NELL1: variants seen among roughly 807,000 people sequenced by gnomAD.
NELL1 encodes neural EGFL like 1, also known as protein kinase C-binding protein NELL1.
In NELL1, 76 loss-of-function variants were observed where a neutral mutation model predicts 107.4. That is an observed-to-expected ratio of 0.71 (90% CI 0.59 to 0.86). NELL1 has a LOEUF of 0.86. Ranked by LOEUF, NELL1 falls within the 40% of genes least tolerant of loss-of-function variation. The pLI is 0.00. For synonymous variants in NELL1, 353 were observed against 341.2 expected (o/e 1.03, Z -0.38); for missense variants, 1,024 against 1,005.5 (o/e 1.02, Z -0.25).
Position 21,570,962 on chromosome 11 carries a change from GGT to G in NELL1, c.2157+25_2157+26del, listed in dbSNP as rs747223233. 3.1e-6 allele frequency: 5 copies of G among 1,604,438 alleles called. No homozygotes were observed. The Admixed American group carries it at 8.4e-5, about 27-fold the overall frequency. ...TCTGGTATGTTGGCTTCCTTTATAA[GGT>G]GTTGAGCCTTTACTCTGAAAGAGGT... On this transcript the variant is annotated intron_variant, in intron 18 of 19. Coordinates refer to ENST00000357134, the MANE Select transcript of NELL1 (RefSeq NM_006157.5).
chr11:21,181,279 C>T (rs879463897), intron 13 of NELL1, among the ~76,000 whole-genome samples: 1 of 151,694 alleles, frequency 6.6e-6, no homozygotes, highest in Non-Finnish European at 1.5e-5. Context: ...CAGTTTTTGC[C>T]ACTACTCATG....
chr11:20,709,460 A>T (rs1855057940), intron 2 of NELL1, among the ~76,000 whole-genome samples: 1 of 152,118 alleles, frequency 6.6e-6, no homozygotes, highest in Non-Finnish European at 1.5e-5. Flanking sequence ...GTACAATTTG[A>T]AGTTGAGTAA....
chr11:21,021,099 G>A (rs1852690052), intron 12 of NELL1, among the ~76,000 whole-genome samples: 1 of 150,814 alleles, frequency 6.6e-6, no homozygotes, highest in Admixed American at 6.6e-5. Context: ...ACTACCAAAT[G>A]TTCTTTCCAC....
At chr11:20,815,052 C>G (rs1329775146) in intron 3 of NELL1, among the ~76,000 whole-genome samples, 1 of 151,782 alleles carries the variant, frequency 6.6e-6, no homozygotes, top group East Asian at 1.9e-4. Context: ...GCATTTCTCT[C>G]TCTGCTTTTT....
intron 14 of NELL1, among the ~76,000 whole-genome samples, chr11:21,305,775 T>A (rs1447823327): frequency 6.6e-6 from 1 of 152,004 alleles, no homozygotes; most frequent in Non-Finnish European, 1.5e-5. Flanking sequence ...ATAATCCTTT[T>A]AAAATAGCTG....
intron 15 of NELL1, among the ~76,000 whole-genome samples, chr11:21,383,162 G>A (rs1378991224): frequency 1.3e-5 from 2 of 151,972 alleles, no homozygotes; most frequent in African/African-American, 4.8e-5. Flanking sequence ...ATCAGAAAAA[G>A]TAGTTCCTGA....
chr11:21,381,377 C>T (rs1469002741), intron 15 of NELL1, among the ~76,000 whole-genome samples: 1 of 151,958 alleles, frequency 6.6e-6, no homozygotes, highest in Non-Finnish European at 1.5e-5. Flanking sequence ...AGCTCTGTAA[C>T]ACTGGATCAG....
chr11:21,263,874 A>G (rs1848583390), intron 14 of NELL1, among the ~76,000 whole-genome samples: 1 of 151,978 alleles, frequency 6.6e-6, no homozygotes, highest in South Asian at 2.1e-4. Flanking sequence ...CAATTCTCAC[A>G]GCCTTTATAG....
intron 2 of NELL1, among the ~76,000 whole-genome samples, chr11:20,693,697 T>A (rs1854535194): frequency 6.6e-6 from 1 of 152,046 alleles, no homozygotes; most frequent in East Asian, 1.9e-4. Flanking sequence ...AACCCGACCT[T>A]TCTCTCTGGC....
At chr11:20,878,621 T>C (rs1158910931) in intron 4 of NELL1, among the ~76,000 whole-genome samples, 2 of 152,196 alleles carry the variant, frequency 1.3e-5, no homozygotes, top group African/African-American at 4.8e-5. Flanking sequence ...GGTTATTACA[T>C]TTCACTCATC....
At chr11:21,401,073 C>G (rs1852086638) in intron 15 of NELL1, among the ~76,000 whole-genome samples, 1 of 151,896 alleles carries the variant, frequency 6.6e-6, no homozygotes, top group East Asian at 2.0e-4. Context: ...CCCATTTAGG[C>G]TCTATTCCTT....
At chr11:21,197,980 T>G (rs1298569292) in intron 13 of NELL1, among the ~76,000 whole-genome samples, 1 of 152,194 alleles carries the variant, frequency 6.6e-6, no homozygotes, top group Admixed American at 6.6e-5. Flanking sequence ...TGTGGGTCAA[T>G]AATTCAGATA....
At position 20,720,909 on chromosome 11, in the gene NELL1, G is replaced by T. The variant is rs553220625; in HGVS notation, c.184+42849G>T. Among the ~76,000 whole-genome samples, 3 of 152,198 alleles carry T rather than the reference G, an allele frequency of 2.0e-5. No individual in the cohort carries two copies. In the East Asian group the frequency reaches 5.8e-4, roughly 29 times the overall value. On this transcript the variant is annotated intron_variant, in intron 2 of 19. Transcript: ENST00000357134. ...ATTGGAGATTAGGACTTCAACATATGAATTTTTGGGGGGACACAGTTCAGT... is the reference window on the plus strand; with the variant it reads ...ATTGGAGATTAGGACTTCAACATATTAATTTTTGGGGGGACACAGTTCAGT...
chr11:21,570,464 GCTTA>G (rs1857073695), intron 17 of NELL1, among the ~76,000 whole-genome samples: 1 of 151,796 alleles, frequency 6.6e-6, no homozygotes. Context: ...ATTTTTAGCT[GCTTA>G]CTTATAATTC....
At chr11:20,814,650 C>T (rs185507679) in intron 3 of NELL1, among the ~76,000 whole-genome samples, 123 of 152,100 alleles carry the variant, frequency 8.1e-4, no homozygotes, top group African/African-American at 2.3e-3. Flanking sequence ...TTTATGTCTG[C>T]GTAGTATTCC....
At chr11:21,497,255 A>T (rs954421614) in intron 15 of NELL1, among the ~76,000 whole-genome samples, 8 of 152,120 alleles carry the variant, frequency 5.3e-5, no homozygotes, top group Non-Finnish European at 1.0e-4. Flanking sequence ...ATGTATACAT[A>T]TGTAACAAAC....
chr11:20,926,860 C>G (rs141183931), intron 7 of NELL1, among the ~76,000 whole-genome samples: 152 of 152,146 alleles, frequency 1.0e-3, no homozygotes, highest in African/African-American at 3.5e-3. Flanking sequence ...CAGTGACTTC[C>G]TAGTTTGTAA....
intron 12 of NELL1, among the ~76,000 whole-genome samples, chr11:21,060,928 G>A (rs1853725431): frequency 6.6e-6 from 1 of 152,126 alleles, no homozygotes; most frequent in South Asian, 2.1e-4. Flanking sequence ...GTAGAGATGG[G>A]GTTTCACCCT....
chr11:21,386,818 G>C (rs1368104101), intron 15 of NELL1, among the ~76,000 whole-genome samples: 1 of 151,836 alleles, frequency 6.6e-6, no homozygotes, highest in African/African-American at 2.4e-5. Flanking sequence ...ATTTTTCCCA[G>C]TGTCTTTCAC....
Sources: gnomAD v4.1 joint callset for allele counts (sites outside exome capture counted in the v4.1 genomes callset) on GRCh38, gnomAD v4.1.1 for gene constraint, MANE v1.5 for transcripts, NCBI Gene and HGNC (gene_info 2026-07-23, HGNC 2026-07-21) for gene names.